ESPNL: variants seen among roughly 807,000 people sequenced by gnomAD.
ESPNL encodes the protein espin like.
In ESPNL, 49 loss-of-function variants were observed where a neutral mutation model predicts 46.8. The ratio of observed to expected loss-of-function variants is 1.05; its 90% CI spans 0.83 to 1.33. The LOEUF (loss-of-function observed/expected upper bound fraction) is 1.33. ESPNL is among the 40% of genes most tolerant of loss of function. ESPNL has a pLI of 0.00. For synonymous variants in ESPNL, 664 were observed against 662.1 expected (o/e 1.00, Z -0.04); for missense variants, 1,540 against 1,436.6 (o/e 1.07, Z -1.16).
In ESPNL at chr2:238,114,088, G is replaced by A. The variant is rs546138164; in HGVS notation, c.856-2815G>A. Among the ~76,000 whole-genome samples, 1 of 152,296 alleles carries A rather than the reference G, an allele frequency of 6.6e-6. No individual in the cohort carries two copies. Among genetic ancestry groups the A allele is most frequent in the Admixed American group, 6.5e-5 (1 of 15,308 alleles). On this transcript the variant is annotated intron_variant, in intron 4 of 8. Transcript: ENST00000343063. This position sits in a 1 kb window ranked among gnomAD's most constrained non-coding sequence, Gnocchi z 5.0. ...CCCACCTGGTTCTCTCCTCCCTGGA[G>A]TGGATCCATCTGCTCACCTGCTTTT...
intron 4 of ESPNL, among the ~76,000 whole-genome samples, chr2:238,112,103 G>C (rs561213048): frequency 6.6e-6 from 1 of 151,910 alleles, no homozygotes; most frequent in African/African-American, 2.4e-5. Context: ...TAAAGGTTTT[G>C]TGGAATTCAC....
chr2:238,116,732 C>T (rs1574735027), intron 4 of ESPNL, among the ~76,000 whole-genome samples, 171 bp from the exon 5 acceptor site: 1 of 152,134 alleles, frequency 6.6e-6, no homozygotes, highest in Admixed American at 6.5e-5. Context: ...GGCTCGGGGG[C>T]TCCTAGGCAG....
At chr2:238,113,837 G>A (rs78267765) in intron 4 of ESPNL, among the ~76,000 whole-genome samples, 3,325 of 152,164 alleles carry the variant, frequency 0.022, 118 homozygotes, top group East Asian at 0.12. Context: ...CTGAGGCTGC[G>A]GGAGGACGGC....
At chr2:238,128,056 C>T (rs1428658448) in intron 7 of ESPNL, among the ~76,000 whole-genome samples, 1 of 152,316 alleles carries the variant, frequency 6.6e-6, no homozygotes, top group Middle Eastern at 3.4e-3. Flanking sequence ...GTGCGGAGAT[C>T]GCAGCAGCCA....
At chr2:238,130,000 T>G in intron 8 of ESPNL, 128 bp from the exon 9 acceptor site, 1 of 1,090,936 alleles carries the variant, frequency 9.2e-7, no homozygotes, top group Non-Finnish European at 1.3e-6. Flanking sequence ...GGAAGCCCTT[T>G]AAAGTCTTAC....
intron 5 of ESPNL, among the ~76,000 whole-genome samples, chr2:238,125,039 C>T (rs903735493): frequency 3.9e-5 from 6 of 152,088 alleles, no homozygotes; most frequent in Admixed American, 6.5e-5. Flanking sequence ...TGAAAGTGGG[C>T]GGGGAACCAA....
chr2:238,104,805 C>A lies in ESPNL; in HGVS notation c.635C>A (p.Ala212Asp). The change falls in exon 3 of 9, where the codon GCC (alanine) becomes GAC (aspartate). Residue 212 changes from alanine (A) to aspartate (D), a missense_variant. Ala to Asp is a moderately radical substitution (Grantham distance 126). Transcript: ENST00000343063. Reference protein sequence around the residue: ...ALDGMSALHAAAARGHYSLVV... With the variant: ...ALDGMSALHADAARGHYSLVV... ...GATGGCATGAGCGCCCTGCACGCTG[C>A]CGCCGCCCGTGGCCACTACTCCCTC... is the stretch of plus-strand genomic sequence containing the variant. 6.4e-7 allele frequency: 1 copy of A among 1,559,506 alleles called. No individual in the cohort carries two copies. Among genetic ancestry groups the A allele is most frequent in the Non-Finnish European group, 8.7e-7 (1 of 1,154,690 alleles).
intron 6 of ESPNL, among the ~76,000 whole-genome samples, chr2:238,126,057 T>G (rs1349073296): frequency 6.6e-6 from 1 of 151,164 alleles, no homozygotes; most frequent in Non-Finnish European, 1.5e-5. Flanking sequence ...TCTGTGTGTA[T>G]GTGTGTGATT....
chr2:238,121,069 C>T (rs991669056), intron 5 of ESPNL, among the ~76,000 whole-genome samples: 1 of 152,306 alleles, frequency 6.6e-6, no homozygotes, highest in Admixed American at 6.5e-5. Flanking sequence ...GGGGCCCGCC[C>T]AGCTCGGGCT....
At chr2:238,107,995 C>T (rs563156611) in intron 4 of ESPNL, 22 bp downstream of exon 4, 2 of 1,593,648 alleles carry the variant, frequency 1.3e-6, no homozygotes, top group Admixed American at 1.7e-5. Context: ...GTGAGGGAGA[C>T]AGGGTGAGCA....
chr2:238,130,461 G>A lies in ESPNL; in HGVS notation c.1747G>A (p.Ala583Thr). The A allele has an allele frequency of 6.2e-7, 1 of 1,601,202 alleles. No homozygotes were observed. Among genetic ancestry groups the A allele is most frequent in the Non-Finnish European group, 8.5e-7 (1 of 1,174,384 alleles). The change falls in exon 9 of 9, where the codon GCC (alanine) becomes ACC (threonine). Residue 583 changes from alanine (A) to threonine (T), a missense_variant. Coordinates refer to ENST00000343063, the MANE Select transcript of ESPNL (RefSeq NM_194312.4). ...AGGGTCTGCGGAGGCCTCAGAGGTG[G>A]CCCCCGGGGTGCAGCCCCTGCCCTT... The part of the protein sequence containing the change: ...PAGSAEASEV[A>T]PGVQPLPFWC...
intron 3 of ESPNL, among the ~76,000 whole-genome samples, chr2:238,105,419 A>G (rs1691573695): frequency 6.8e-6 from 1 of 147,320 alleles, no homozygotes; most frequent in Non-Finnish European, 1.5e-5. Flanking sequence ...AGGCTGAGGC[A>G]GGAGAAGTGC....
intron 2 of ESPNL, 151 bp downstream of exon 2, chr2:238,102,282 G>A (rs1383485749): frequency 2.8e-6 from 2 of 712,912 alleles, no homozygotes; most frequent in African/African-American, 1.8e-5. Context: ...GAGCTGGCAG[G>A]AGCCAAGGGC....
intron 7 of ESPNL, among the ~76,000 whole-genome samples, chr2:238,127,942 A>G (rs1574745364): frequency 6.6e-6 from 1 of 151,944 alleles, no homozygotes; most frequent in African/African-American, 2.4e-5. Context: ...TGTCCCCCCC[A>G]CCACAGAAAC....
intron 5 of ESPNL, among the ~76,000 whole-genome samples, chr2:238,117,579 G>A (rs905299708): frequency 3.3e-5 from 5 of 152,328 alleles, no homozygotes; most frequent in East Asian, 3.9e-4. Flanking sequence ...TGCAGCAGCC[G>A]GAAGGCAGCA....
chr2:238,131,828 C>T lies in ESPNL; in HGVS notation c.*96C>T, dbSNP rs763813849. On this transcript the variant is annotated 3_prime_UTR_variant, in exon 9 of 9. Transcript: ENST00000343063. Reference sequence around the variant, plus strand: ...TCACACCCTTGGTGTTCAGGTGAGCCGGGCAAGGCTGCCTCCAGTCCTACC... The same window carrying T: ...TCACACCCTTGGTGTTCAGGTGAGCTGGGCAAGGCTGCCTCCAGTCCTACC... 19 of 1,373,468 alleles carry T rather than the reference C, an allele frequency of 1.4e-5. No homozygotes were observed. The highest frequency in any genetic ancestry group is 6.9e-5 in the East Asian group (3 of 43,216). The allele number at this position is 1,373,468 out of a possible 1,614,324, so 85.1% of individuals were successfully genotyped here. A position where few individuals can be genotyped will look rare whatever the true frequency, so the allele number is the denominator to read the frequency against.
At chr2:238,107,346 G>A (rs1691618103) in intron 3 of ESPNL, among the ~76,000 whole-genome samples, 2 of 152,304 alleles carry the variant, frequency 1.3e-5, no homozygotes, top group African/African-American at 2.4e-5. Context: ...GCCCTGGAGG[G>A]AGGCCACAGG....
rs149677791 is a variant in ESPNL at position 238,105,663 on chromosome 2, GC to G, written c.672+823del. 4.1e-3 allele frequency among the ~76,000 whole-genome samples: 627 copies of G among 152,162 alleles called. 6 individuals carry two copies. Among genetic ancestry groups the G allele is most frequent in the African/African-American group, 0.014 (601 of 41,514 alleles). On this transcript the variant is annotated intron_variant, in intron 3 of 8. Transcript: ENST00000343063. ...CACAGGTCATTCAGAGGCGGGGAGAGCCTGGCCCATGGGGCCCGGGGGCGGG... is the reference window on the plus strand; with the variant it reads ...CACAGGTCATTCAGAGGCGGGGAGAGCTGGCCCATGGGGCCCGGGGGCGGG...
chr2:238,120,022 T>A (rs556266067), intron 5 of ESPNL, among the ~76,000 whole-genome samples: 14 of 152,220 alleles, frequency 9.2e-5, no homozygotes, highest in African/African-American at 3.1e-4. Flanking sequence ...TCTGCCCTGG[T>A]TTTTCCCTGG....
Sources: gnomAD v4.1 joint callset for allele counts (sites outside exome capture counted in the v4.1 genomes callset) on GRCh38, gnomAD v4.1.1 for gene constraint, Gnocchi (gnomAD v3.1) non-coding constraint, MANE v1.5 for transcripts, NCBI Gene and HGNC (gene_info 2026-07-23, HGNC 2026-07-21) for gene names.